The following AFF3 variants were observed in gnomAD, a reference collection of about 807,000 sequenced individuals.
AFF3 encodes ALF transcription elongation factor 3.
A neutral mutation model predicts 129.7 loss-of-function variants in AFF3; 32 were observed. The ratio of observed to expected loss-of-function variants is 0.25; its 90% confidence interval spans 0.19 to 0.33. The LOEUF is 0.33. AFF3 is among the 10% of genes least tolerant of loss of function. The pLI is 1.00. For synonymous variants in AFF3, 644 were observed against 635.4 expected (o/e 1.01, Z -0.20); for missense variants, 1,373 against 1,592.0 (o/e 0.86, Z 2.34).
intron 4 of AFF3, among the ~76,000 whole-genome samples, chr2:100,021,480 C>A (rs1409283038): frequency 2.0e-5 from 3 of 152,190 alleles, no homozygotes; most frequent in African/African-American, 7.2e-5. Flanking sequence ...TTTGAACACA[C>A]AGAACTAAAC....
chr2:99,845,859 G>A (rs1347371378), intron 7 of AFF3, among the ~76,000 whole-genome samples: 3 of 152,128 alleles, frequency 2.0e-5, no homozygotes, highest in South Asian at 2.1e-4. Context: ...TTGAGACGGA[G>A]TCTTGCTCTG....
At chr2:100,068,513 A>G (rs1360098197) in intron 4 of AFF3, among the ~76,000 whole-genome samples, 4 of 152,182 alleles carry the variant, frequency 2.6e-5, no homozygotes, top group Non-Finnish European at 5.9e-5. Flanking sequence ...CTCAGTTGGA[A>G]GAGGATGAGT....
intron 7 of AFF3, among the ~76,000 whole-genome samples, chr2:99,868,815 T>C (rs528695884): frequency 1.3e-5 from 2 of 152,150 alleles, no homozygotes; most frequent in Non-Finnish European, 2.9e-5. Context: ...GTTTTAGAGA[T>C]AGGGTCTCGC....
At chr2:99,677,042 G>A (rs1450536741) in intron 11 of AFF3, among the ~76,000 whole-genome samples, 2 of 152,142 alleles carry the variant, frequency 1.3e-5, no homozygotes, top group Non-Finnish European at 2.9e-5. Flanking sequence ...GCCAAGGCTG[G>A]CGGATCATTG....
Position 99,551,996 on chromosome 2 carries a change from G to C in AFF3, c.3560-401C>G, listed in dbSNP as rs1366344353. ...AGTGAGTCCAAGGGGTGAGGCTCCA[G>C]GTTCCTGGGGGCAAATCAGAGATGG... On this transcript the variant is annotated intron_variant, in intron 24 of 24. Transcript: ENST00000672756. Among the ~76,000 whole-genome samples, 4 of 152,188 alleles carry C rather than the reference G, an allele frequency of 2.6e-5. No homozygotes were observed. In the East Asian group the frequency reaches 7.7e-4, roughly 29 times the overall value.
intron 7 of AFF3, among the ~76,000 whole-genome samples, chr2:99,959,666 T>C (rs1677033645): frequency 6.7e-6 from 1 of 149,192 alleles, no homozygotes; most frequent in Non-Finnish European, 1.5e-5. Context: ...AATGGAAACA[T>C]GAACTTACAT....
intron 12 of AFF3, among the ~76,000 whole-genome samples, chr2:99,661,347 C>A (rs1049137968): frequency 6.6e-6 from 1 of 152,174 alleles, no homozygotes; most frequent in African/African-American, 2.4e-5. Context: ...GGTATTGATA[C>A]CCACCATTAA....
Position 99,560,370 on chromosome 2 carries a change from T to C in AFF3, c.3186A>G (p.Ala1062=). ...AAGCGGAGATGGGCACTCACCATAA[T>C]GCAGCCAGTTGTTTGTCTTCTGGTG... ...NATPEDKQLA[A]LCYRCLALLY... The change falls in exon 21 of 25, where the codon GCA becomes GCG. Residue 1062 remains alanine (A), a synonymous_variant. Transcript: ENST00000672756. The C allele has an allele frequency of 6.2e-7, 1 of 1,614,156 alleles. No homozygotes were observed. The highest frequency in any genetic ancestry group is 1.1e-5 in the South Asian group (1 of 91,088).
chr2:99,917,556 AG>A (rs746707816), intron 7 of AFF3, among the ~76,000 whole-genome samples: 1 of 152,220 alleles, frequency 6.6e-6, no homozygotes, highest in African/African-American at 2.4e-5. Context: ...TCGTCAAGGA[AG>A]GTGAACAACC....
rs112837291 is a variant in AFF3, at chr2:100,010,394, G to C, written c.54-1462C>G. 1.9e-3 allele frequency among the ~76,000 whole-genome samples: 288 copies of C among 152,288 alleles called. 1 individual carries two copies. Among genetic ancestry groups the C allele is most frequent in the South Asian group, 3.3e-3 (16 of 4,828 alleles). On this transcript the variant is annotated intron_variant, in intron 4 of 24. Transcript: ENST00000672756. ...GCTCTGCCCGTGTGGCTGGGGTACA[G>C]TTTAAATTTGCTGTCTAAGGGGTGA...
chr2:99,706,232 G>A (rs1456391680), intron 11 of AFF3, among the ~76,000 whole-genome samples: 1 of 152,190 alleles, frequency 6.6e-6, no homozygotes, highest in African/African-American at 2.4e-5. Context: ...CTCCACAAGT[G>A]CTCTGATGTA....
rs768658233 is a variant in AFF3 at position 99,551,528 on chromosome 2, G to A, written c.3627C>T (p.Val1209=). 1.2e-6 allele frequency: 2 copies of A among 1,614,148 alleles called. No individual in the cohort carries two copies. Among genetic ancestry groups the A allele is most frequent in the Middle Eastern group, 1.6e-4 (1 of 6,062 alleles). ...AGTGCAGGCCCTGTTGGGAGTACTGGACCAGGTGCTCCATGCTGCTGTGCA... is the reference window on the plus strand; with the variant it reads ...AGTGCAGGCCCTGTTGGGAGTACTGAACCAGGTGCTCCATGCTGCTGTGCA... ...VTLHSSMEHL[V]QYSQQGLHWL... is the part of the protein sequence containing the mutation. Residue 1209 remains valine, a synonymous_variant, in exon 25 of 25, where the codon GTC becomes GTT. Transcript: ENST00000672756.
At chr2:99,950,134 T>C (rs1676005671) in intron 7 of AFF3, among the ~76,000 whole-genome samples, 1 of 152,208 alleles carries the variant, frequency 6.6e-6, no homozygotes, top group South Asian at 2.1e-4. Flanking sequence ...ACTAACAAAG[T>C]GACTTTAGCT....
chr2:99,572,304 C>CCCCCCCG (rs1676566711), intron 18 of AFF3, among the ~76,000 whole-genome samples: 1 of 128,688 alleles, frequency 7.8e-6, no homozygotes, highest in African/African-American at 3.1e-5. Flanking sequence ...CCCCCCCCCC[C>CCCCCCCG]CCACCTAGAA....
Position 99,633,909 on chromosome 2 carries a change from C to CTTTT in AFF3, c.1184+15713_1184+15716dup, listed in dbSNP as rs139661861. ...CCAAATAAACCTCTTTTCTTCCTTC[C>CTTTT]TTTTTTTTTTTTTTTTTTTTTTTGA... On this transcript the variant is annotated intron_variant, in intron 13 of 24. Coordinates refer to ENST00000672756, the MANE Select transcript of AFF3 (RefSeq NM_001386135.1). Among the ~76,000 whole-genome samples, 812 of 116,422 alleles carry CTTTT rather than the reference C, an allele frequency of 7.0e-3. 42 individuals are homozygous for CTTTT. Among genetic ancestry groups the CTTTT allele is most frequent in the African/African-American group, 0.024 (689 of 28,276 alleles). The allele number at this position is 116,422 out of a possible 152,430, so 76.4% of individuals were successfully genotyped here. A position where few individuals can be genotyped will look rare whatever the true frequency, so the allele number is the denominator to read the frequency against.
chr2:99,964,558 G>T (rs1460947659), intron 7 of AFF3, among the ~76,000 whole-genome samples: 1 of 152,086 alleles, frequency 6.6e-6, no homozygotes, highest in Non-Finnish European at 1.5e-5. Flanking sequence ...TCCATAGAAT[G>T]TAATAAATAT....
intron 8 of AFF3, among the ~76,000 whole-genome samples, chr2:99,809,722 C>G (rs959021004): frequency 6.6e-6 from 1 of 152,166 alleles, no homozygotes; most frequent in East Asian, 1.9e-4. Flanking sequence ...AAACAAGAAA[C>G]CACTTTCCTG....
chr2:100,109,147 T>A (rs1012029061), intron 2 of AFF3, among the ~76,000 whole-genome samples: 85 of 149,768 alleles, frequency 5.7e-4, no homozygotes, highest in African/African-American at 2.0e-3. Context: ...TGGAGGGAAG[T>A]TTTTCATGCC....
intron 4 of AFF3, among the ~76,000 whole-genome samples, chr2:100,074,997 T>C (rs1319117680): frequency 6.6e-6 from 1 of 152,196 alleles, no homozygotes; most frequent in Non-Finnish European, 1.5e-5. Context: ...TAATTCCTTC[T>C]AGCAAACAGA....
Sources: allele counts gnomAD v4.1 joint callset (sites outside exome capture counted in the v4.1 genomes callset), GRCh38; gene constraint gnomAD v4.1.1; transcripts MANE v1.5; gene names NCBI Gene and HGNC (gene_info 2026-07-23, HGNC 2026-07-21).